FREM1: variants seen among roughly 807,000 people sequenced by gnomAD.
The protein encoded by FREM1 is FRAS1-related extracellular matrix protein 1.
A neutral mutation model predicts 210.1 loss-of-function variants in FREM1; 220 were observed. The ratio of observed to expected loss-of-function variants is 1.05; its 90% CI spans 0.94 to 1.17. FREM1 has a LOEUF of 1.17. Among genes scored for constraint, FREM1 ranks in the 50% most tolerant of loss-of-function variants. The pLI, the probability that FREM1 is intolerant of heterozygous loss-of-function variation, is 0.00. For missense variants in FREM1, 3,454 were observed against 2,675.5 expected, an observed-to-expected ratio of 1.29 and a Z score of -6.42; for synonymous variants, 1,189 against 980.2, an observed-to-expected ratio of 1.21 and a Z score of -3.98.
intron 29 of FREM1, among the ~76,000 whole-genome samples, chr9:14,756,107 T>C (rs1337994339): frequency 6.6e-6 from 1 of 152,200 alleles, no homozygotes; most frequent in Non-Finnish European, 1.5e-5. Flanking sequence ...TTTTTCTGGA[T>C]TGTCTTGGAT....
intron 8 of FREM1, among the ~76,000 whole-genome samples, chr9:14,845,253 A>C (rs931523181): frequency 2.6e-5 from 4 of 152,236 alleles, no homozygotes; most frequent in Non-Finnish European, 5.9e-5. Flanking sequence ...ACTACTACTA[A>C]TAACATAACA....
At chr9:14,882,354 G>A (rs1588570775) in intron 1 of FREM1, among the ~76,000 whole-genome samples, 2 of 152,020 alleles carry the variant, frequency 1.3e-5, no homozygotes, top group Non-Finnish European at 2.9e-5. Flanking sequence ...GAAGAGAGGA[G>A]ATATCTATTC....
rs140580753 is a variant in FREM1, at chr9:14,812,668, G to A, written c.2893+144C>T. ...TACTTCCATATATGGTGATCATGCT[G>A]GAAAAATGGAGGCCAGGCTGCAGCT... is the stretch of plus-strand genomic sequence containing the variant. On this transcript the variant is annotated intron_variant, in intron 16 of 36. Transcript: ENST00000380880. The A allele has an allele frequency of 4.4e-4, 347 of 780,308 alleles. 1 individual carries two copies. In the African/African-American group the frequency reaches 5.4e-3, roughly 12 times the overall value. 48.3% of individuals were successfully genotyped at this position (780,308 alleles called of 1,614,324 possible).
chr9:14,801,306 G>A (rs1292784472), intron 20 of FREM1, among the ~76,000 whole-genome samples: 2 of 152,154 alleles, frequency 1.3e-5, no homozygotes, highest in Admixed American at 1.3e-4. Flanking sequence ...CCACGCTGTG[G>A]AATGGTTAAG....
intron 1 of FREM1, among the ~76,000 whole-genome samples, chr9:14,907,456 T>C (rs1293338100): frequency 6.6e-6 from 1 of 152,142 alleles, no homozygotes; most frequent in Non-Finnish European, 1.5e-5. Flanking sequence ...AATGAAAGGG[T>C]CAGGTTGCAA....
At chr9:14,895,584 T>C (rs1411258595) in intron 1 of FREM1, among the ~76,000 whole-genome samples, 1 of 152,132 alleles carries the variant, frequency 6.6e-6, no homozygotes, top group African/African-American at 2.4e-5. Flanking sequence ...AAAAATCTTC[T>C]AATTTAGTTT....
At chr9:14,776,931 T>A (rs934148678) in intron 24 of FREM1, among the ~76,000 whole-genome samples, 5 of 152,154 alleles carry the variant, frequency 3.3e-5, no homozygotes, top group African/African-American at 1.2e-4. Context: ...CAGATGAGAG[T>A]TATGCTACAC....
chr9:14,871,770 C>T (rs201811323), intron 1 of FREM1, among the ~76,000 whole-genome samples: 15 of 141,606 alleles, frequency 1.1e-4, no homozygotes, highest in Admixed American at 3.4e-4. Flanking sequence ...TTTTCTTCTA[C>T]GGTTTTTACG....
intron 1 of FREM1, among the ~76,000 whole-genome samples, chr9:14,870,737 C>A (rs992863463): frequency 2.6e-5 from 4 of 151,582 alleles, no homozygotes; most frequent in Admixed American, 6.6e-5. Flanking sequence ...ATGTGCCATG[C>A]TGGTGTGCTG....
chr9:14,877,651 A>G (rs1286900049), intron 1 of FREM1, among the ~76,000 whole-genome samples: 2 of 152,088 alleles, frequency 1.3e-5, no homozygotes, highest in African/African-American at 2.4e-5. Context: ...CCTGCTGAAC[A>G]TGAAGAAGCA....
chr9:14,796,685 G>C, intron 21 of FREM1, among the ~76,000 whole-genome samples: 1 of 152,150 alleles, frequency 6.6e-6, no homozygotes. Flanking sequence ...AGATCTGATG[G>C]TTTTATAAGG....
chr9:14,800,959 C>A (rs185345360), intron 20 of FREM1, among the ~76,000 whole-genome samples: 14 of 152,078 alleles, frequency 9.2e-5, no homozygotes, highest in African/African-American at 3.4e-4. Flanking sequence ...TGTTTTGATG[C>A]ATGTATACAT....
At chr9:14,789,959 A>G (rs1224104106) in intron 22 of FREM1, among the ~76,000 whole-genome samples, 1 of 152,224 alleles carries the variant, frequency 6.6e-6, no homozygotes, top group Non-Finnish European at 1.5e-5. Flanking sequence ...GTCATCAGAC[A>G]TAATTTTTTA....
intron 1 of FREM1, among the ~76,000 whole-genome samples, chr9:14,893,992 G>C (rs977353923): frequency 6.6e-6 from 1 of 152,036 alleles, no homozygotes; most frequent in African/African-American, 2.4e-5. Flanking sequence ...TATTTTAAAG[G>C]GTTATAAAAA....
intron 25 of FREM1, 52 bp from the exon 26 acceptor site, chr9:14,770,858 T>C (rs1847442565): frequency 1.5e-6 from 2 of 1,346,750 alleles, no homozygotes; most frequent in African/African-American, 1.4e-5. Context: ...CTCACCCCCA[T>C]GCAACGTTGG....
chr9:14,784,608 G>A lies in FREM1; in HGVS notation c.4204C>T (p.Leu1402Phe), dbSNP rs770679670. The change falls in exon 24 of 37, where the codon CTC becomes TTC. Residue 1402 changes from leucine (L) to phenylalanine (F), a missense_variant. Leu to Phe is a conservative substitution (Grantham distance 22). Coordinates refer to ENST00000380880, the MANE Select transcript of FREM1 (RefSeq NM_001379081.2). ...CCTCTATCACCTTTAGACACCACGAGTGGTTTTGTAAGGATGACAATATCA... is the reference window on the plus strand; with the variant it reads ...CCTCTATCACCTTTAGACACCACGAATGGTTTTGTAAGGATGACAATATCA... Reference protein sequence around the residue: ...KGDIVILTKPLVVSKGDRGFL... With the variant: ...KGDIVILTKPFVVSKGDRGFL... 1.9e-6 allele frequency: 3 copies of A among 1,594,936 alleles called. No homozygotes were observed. The highest frequency in any genetic ancestry group is 2.6e-6 in the Non-Finnish European group (3 of 1,169,134).
chr9:14,766,672 T>A (rs561758962), intron 27 of FREM1, among the ~76,000 whole-genome samples: 1 of 152,254 alleles, frequency 6.6e-6, no homozygotes, highest in South Asian at 2.1e-4. Flanking sequence ...TGAACATGGG[T>A]CCTTCCCGTG....
Position 14,834,673 on chromosome 9 carries a change from T to G in FREM1, c.1881+6774A>C, listed in dbSNP as rs561852570. Among the ~76,000 whole-genome samples the G allele has an allele frequency of 3.8e-4, 58 of 152,236 alleles. 1 individual carries two copies. The highest frequency in any genetic ancestry group is 3.4e-3 in the Middle Eastern group (1 of 294). On this transcript the variant is annotated intron_variant, in intron 10 of 36. Transcript: ENST00000380880. ...AATGGTTCAGAGGGCCCCTGAAACA[T>G]TCAGAAAAGAGGTAAACAGGATTAT...
chr9:14,748,888 G>T (rs1035009116), intron 30 of FREM1, among the ~76,000 whole-genome samples: 2 of 152,136 alleles, frequency 1.3e-5, no homozygotes, highest in Non-Finnish European at 2.9e-5. Flanking sequence ...AACCCCAAAT[G>T]AAAATCACTG....
Sources: gnomAD v4.1 joint callset for allele counts (sites outside exome capture counted in the v4.1 genomes callset) on GRCh38, gnomAD v4.1.1 for gene constraint, MANE v1.5 for transcripts, NCBI Gene and HGNC (gene_info 2026-07-23, HGNC 2026-07-21) for gene names.